Variants in CASK observed in about 807,000 individuals in gnomAD.
The protein encoded by CASK is peripheral plasma membrane protein CASK.
Under a neutral mutation model 82.9 loss-of-function variants are expected in CASK, and 4 were observed. The observed-to-expected ratio is 0.05, with a 90% CI of 0.02 to 0.11. The LOEUF (loss-of-function observed/expected upper bound fraction) is 0.11, where lower values mean the gene tolerates loss of function less well. Among genes scored for constraint, CASK ranks in the 10% least tolerant of loss-of-function variants. The pLI is 1.00. For synonymous variants in CASK, 259 were observed against 253.5 expected, an observed-to-expected ratio of 1.02 and a Z score of -0.20; for missense variants, 358 against 720.9, an observed-to-expected ratio of 0.50 and a Z score of 5.76.
chrX:41,556,605 T>G (rs761923927), intron 19 of CASK, among the ~76,000 whole-genome samples: 9 of 112,027 alleles, frequency 8.0e-5, no homozygotes, highest in Non-Finnish European at 1.5e-4. Context: ...AACTAAAACA[T>G]GTTGCTGATA....
At position 41,578,189 on chromosome X, in the gene CASK, AG is replaced by A. The variant is rs2065510383; in HGVS notation, c.1503+150del. On this transcript the variant is annotated intron_variant, in intron 15 of 26. Transcript: ENST00000378163. Reference sequence around the variant, plus strand: ...CAGAACAATTCTAGAAAAGAAGGGCAGGGGGGAACTGAAGATCTGGAAACTG... The same window carrying A: ...CAGAACAATTCTAGAAAAGAAGGGCAGGGGGAACTGAAGATCTGGAAACTG... The A allele has an allele frequency of 6.8e-6, 3 of 441,480 alleles. No homozygotes were observed. In the South Asian group the frequency reaches 1.1e-4, roughly 16 times the overall value. The allele number at this position is 441,480 out of a possible 1,213,427, so 36.4% of individuals were successfully genotyped here. A position where few individuals can be genotyped will look rare whatever the true frequency, so the allele number is the denominator to read the frequency against.
chrX:41,775,321 A>C (rs2069336776), intron 3 of CASK, among the ~76,000 whole-genome samples: 1 of 111,784 alleles, frequency 8.9e-6, no homozygotes, highest in African/African-American at 3.3e-5. Context: ...AATGCAAATC[A>C]AAACCACAAT....
At chrX:41,732,654 C>G (rs1237796469) in intron 5 of CASK, among the ~76,000 whole-genome samples, 2 of 111,524 alleles carry the variant, frequency 1.8e-5, no homozygotes, top group African/African-American at 6.5e-5. Context: ...GACAGAAAAA[C>G]CTCTGGCTAT....
At chrX:41,740,179 G>A (rs1249246252) in intron 4 of CASK, among the ~76,000 whole-genome samples, 2 of 111,825 alleles carry the variant, frequency 1.8e-5, no homozygotes, top group African/African-American at 6.5e-5. Flanking sequence ...AGTTGATTCA[G>A]TACCACTTTA....
intron 5 of CASK, among the ~76,000 whole-genome samples, chrX:41,682,436 C>T (rs772946174): frequency 9.9e-6 from 1 of 101,128 alleles, no homozygotes; most frequent in African/African-American, 3.6e-5. Flanking sequence ...GCCTGTAGTT[C>T]CAGCTACTCA....
chrX:41,517,764 T>TAGCAGTAGCAGCAGCAGCAGC lies in CASK; in HGVS notation c.*2635_*2655dup. The TAGCAGTAGCAGCAGCAGCAGC allele has an allele frequency of 2.7e-6, 2 of 734,606 alleles. No individual in the cohort carries two copies. Among genetic ancestry groups the TAGCAGTAGCAGCAGCAGCAGC allele is most frequent in the Non-Finnish European group, 4.0e-6 (2 of 498,845 alleles). 60.5% of individuals were successfully genotyped at this position (734,606 alleles called of 1,213,427 possible). On this transcript the variant is annotated 3_prime_UTR_variant, in exon 27 of 27. Transcript: ENST00000378163. ...GATTGCTTAGTGGACAATTGTAATGTAGCAGTAGCAGCAGCAGCAGCAGCA... is the reference window on the plus strand; with the variant it reads ...GATTGCTTAGTGGACAATTGTAATGTAGCAGTAGCAGCAGCAGCAGCAGCAGTAGCAGCAGCAGCAGCAGCA...
intron 8 of CASK, among the ~76,000 whole-genome samples, chrX:41,651,285 C>A (rs2066861275): frequency 9.0e-6 from 1 of 111,690 alleles, no homozygotes; most frequent in Admixed American, 9.6e-5. Context: ...AACAAAAGAT[C>A]CCCGTTATGG....
intron 5 of CASK, among the ~76,000 whole-genome samples, chrX:41,678,243 T>G (rs2147513326): frequency 9.0e-6 from 1 of 111,707 alleles, no homozygotes; most frequent in East Asian, 2.8e-4. Context: ...GTCTGTACAT[T>G]GCATTTGATG....
chrX:41,687,554 G>A (rs1446854136), intron 5 of CASK, among the ~76,000 whole-genome samples: 1 of 111,853 alleles, frequency 8.9e-6, no homozygotes, highest in Non-Finnish European at 1.9e-5. Flanking sequence ...GGGGAGAGGA[G>A]AGAAATCGTT....
chrX:41,713,173 G>T (rs2068007485), intron 5 of CASK, among the ~76,000 whole-genome samples: 1 of 112,135 alleles, frequency 8.9e-6, no homozygotes, highest in Non-Finnish European at 1.9e-5. Flanking sequence ...TATCAAGAAG[G>T]GTAGTCAATG....
intron 5 of CASK, among the ~76,000 whole-genome samples, chrX:41,694,864 GACC>G (rs2067648573): frequency 9.0e-6 from 1 of 111,625 alleles, no homozygotes; most frequent in African/African-American, 3.3e-5. Context: ...TATAGAATGA[GACC>G]ACCACAAGTC....
chrX:41,714,824 G>T (rs989743825), intron 5 of CASK, among the ~76,000 whole-genome samples: 9 of 111,963 alleles, frequency 8.0e-5, no homozygotes, highest in African/African-American at 2.6e-4. Context: ...TTCAAATGGG[G>T]ATGGCAGTGC....
intron 3 of CASK, among the ~76,000 whole-genome samples, chrX:41,752,739 T>TA (rs1454790308): frequency 3.6e-5 from 4 of 112,036 alleles, no homozygotes; most frequent in Admixed American, 1.9e-4. Context: ...GGTCCAATCT[T>TA]ACAGGTTAAG....
chrX:41,784,051 G>T (rs1200301781), intron 3 of CASK, among the ~76,000 whole-genome samples: 1 of 111,874 alleles, frequency 8.9e-6, no homozygotes, highest in Non-Finnish European at 1.9e-5. Context: ...CATGAACTAG[G>T]ATATTTTTAA....
At chrX:41,710,081 T>TTGTGTGTGTGTGTGTGTGTGTG (rs57963407) in intron 5 of CASK, among the ~76,000 whole-genome samples, 28 of 72,174 alleles carry the variant, frequency 3.9e-4, no homozygotes, top group Non-Finnish European at 5.1e-4. Context: ...GGTATAGATT[T>TTGTGTGTGTGTGTGTGTGTGTG]TGTGTGTGTG....
chrX:41,922,406 A>G (rs1219781622), intron 1 of CASK, among the ~76,000 whole-genome samples: 1 of 111,472 alleles, frequency 9.0e-6, no homozygotes, highest in African/African-American at 3.3e-5. Context: ...GTACACCAGG[A>G]GGGAATTTGC....
chrX:41,653,761 A>G (rs2066896283), intron 8 of CASK, among the ~76,000 whole-genome samples: 1 of 112,570 alleles, frequency 8.9e-6, no homozygotes, highest in African/African-American at 3.2e-5. Flanking sequence ...CTTTACTAAA[A>G]TGGATTGTGA....
intron 1 of CASK, among the ~76,000 whole-genome samples, chrX:41,899,939 T>C (rs748183582): frequency 9.0e-6 from 1 of 111,647 alleles, no homozygotes; most frequent in South Asian, 3.7e-4. Context: ...TCTTGTAAAG[T>C]AGGTCTAGTG....
intron 1 of CASK, among the ~76,000 whole-genome samples, chrX:41,877,064 G>A: frequency 9.0e-6 from 1 of 111,324 alleles, no homozygotes; most frequent in Non-Finnish European, 1.9e-5. Context: ...TTAATAGAGT[G>A]GGTTAGAACT....
Sources: gnomAD v4.1 joint callset for allele counts (sites outside exome capture counted in the v4.1 genomes callset) on GRCh38, gnomAD v4.1.1 for gene constraint, MANE v1.5 for transcripts, NCBI Gene and HGNC (gene_info 2026-07-23, HGNC 2026-07-21) for gene names.